The following DTNA variants were observed in gnomAD, a reference collection of about 807,000 sequenced individuals.
DTNA encodes the protein dystrophin-related protein 3.
In DTNA, 43 loss-of-function variants were observed where a neutral mutation model predicts 100.7. The observed-to-expected ratio is 0.43, with a 90% CI of 0.33 to 0.55. The LOEUF is 0.55. Ranked by LOEUF, DTNA falls within the 20% of genes least tolerant of loss-of-function variation. The probability of loss-of-function intolerance (pLI) is 0.04; values close to 1 mark genes in which losing one functional copy is unlikely to be tolerated. For synonymous variants in DTNA, 349 were observed against 347.9 expected (o/e 1.00, Z -0.04); for missense variants, 798 against 953.9 (o/e 0.84, Z 2.15).
intron 1 of DTNA, among the ~76,000 whole-genome samples, chr18:34,568,405 G>A (rs759174504): frequency 3.3e-5 from 5 of 152,062 alleles, no homozygotes; most frequent in East Asian, 1.9e-4. Context: ...CTTAGGTAAC[G>A]TGAGTTCCTG....
chr18:34,526,558 T>G (rs1432664936), intron 1 of DTNA, among the ~76,000 whole-genome samples: 2 of 152,118 alleles, frequency 1.3e-5, no homozygotes, highest in Non-Finnish European at 2.9e-5. Flanking sequence ...ATTACTGTTA[T>G]TAGAATTAAT....
At chr18:34,594,183 G>A (rs9966778) in intron 1 of DTNA, among the ~76,000 whole-genome samples, 6,738 of 151,914 alleles carry the variant, frequency 0.044, 479 homozygotes, top group African/African-American at 0.15. Flanking sequence ...GGATGGAGGC[G>A]TTCTGATTTT....
intron 1 of DTNA, among the ~76,000 whole-genome samples, chr18:34,602,870 G>T (rs2052214762): frequency 6.6e-6 from 1 of 151,794 alleles, no homozygotes; most frequent in African/African-American, 2.4e-5. Context: ...GGGCGTGGTG[G>T]CAGGCACCTG....
At chr18:34,822,170 C>G (rs1340617025) in intron 9 of DTNA, among the ~76,000 whole-genome samples, 1 of 152,154 alleles carries the variant, frequency 6.6e-6, no homozygotes, top group Non-Finnish European at 1.5e-5. Context: ...AATTATGTTT[C>G]TATAAATAAG....
intron 1 of DTNA, among the ~76,000 whole-genome samples, chr18:34,614,094 T>C (rs1423364720): frequency 6.6e-6 from 1 of 152,220 alleles, no homozygotes; most frequent in East Asian, 1.9e-4. Flanking sequence ...ATCAGAATAA[T>C]GCTAAATTTA....
intron 1 of DTNA, among the ~76,000 whole-genome samples, chr18:34,749,672 AT>A (rs2092111872): frequency 1.8e-3 from 8 of 4,570 alleles, no homozygotes; most frequent in South Asian, 0.12. Context: ...AATAATAATA[AT>A]AATAACAAAT....
Position 34,750,702 on chromosome 18 carries a change from A to G in DTNA, c.-1-5274A>G, listed in dbSNP as rs142951405. On this transcript the variant is annotated intron_variant, in intron 1 of 22. Coordinates refer to ENST00000444659, the MANE Select transcript of DTNA (RefSeq NM_001386795.1). ...GTAATATCTTTTTGACTTCCTAACA[A>G]AGTTACAGGGAAAAGCATTTTATAA... is the stretch of plus-strand genomic sequence containing the variant. Among the ~76,000 whole-genome samples the G allele has an allele frequency of 4.9e-3, 743 of 152,314 alleles. 7 individuals carry two copies. Among genetic ancestry groups the G allele is most frequent in the African/African-American group, 0.017 (702 of 41,580 alleles).
intron 16 of DTNA, among the ~76,000 whole-genome samples, chr18:34,860,213 ATTTTTTGTTTTTT>A (rs2096602697): frequency 1.3e-5 from 1 of 74,318 alleles, no homozygotes; most frequent in Non-Finnish European, 2.7e-5. Context: ...CGCCCGGCTA[ATTTTTTGTTTTTT>A]TTTTTTTTTT....
intron 4 of DTNA, among the ~76,000 whole-genome samples, chr18:34,802,479 G>A (rs562448518): frequency 2.0e-5 from 3 of 152,154 alleles, no homozygotes; most frequent in Non-Finnish European, 4.4e-5. Context: ...GACAATTCCT[G>A]ATGAGCATAG....
intron 1 of DTNA, among the ~76,000 whole-genome samples, chr18:34,743,289 G>T (rs983767522): frequency 6.6e-6 from 1 of 151,952 alleles, no homozygotes; most frequent in Non-Finnish European, 1.5e-5. Flanking sequence ...TCATACCCCC[G>T]CCTGTTTCTT....
intron 1 of DTNA, among the ~76,000 whole-genome samples, chr18:34,612,364 C>T (rs190257106): frequency 6.6e-6 from 1 of 152,170 alleles, no homozygotes; most frequent in Non-Finnish European, 1.5e-5. Context: ...GCACATAGGA[C>T]AGTGGGCGAT....
intron 9 of DTNA, among the ~76,000 whole-genome samples, chr18:34,824,199 G>C (rs1183768641): frequency 6.6e-6 from 1 of 152,226 alleles, no homozygotes; most frequent in Non-Finnish European, 1.5e-5. Flanking sequence ...TTGCTGGCCA[G>C]GCACAGTGGC....
At chr18:34,884,895 C>T (rs375471110) in intron 22 of DTNA, 119 bp downstream of exon 22, 28 of 1,201,090 alleles carry the variant, frequency 2.3e-5, no homozygotes, top group African/African-American at 1.8e-4. Flanking sequence ...AAAATACCCT[C>T]CTTAACTGCT....
chr18:34,533,952 T>C (rs2043418567), intron 1 of DTNA, among the ~76,000 whole-genome samples: 2 of 152,278 alleles, frequency 1.3e-5, no homozygotes, highest in African/African-American at 2.4e-5. Flanking sequence ...GAGAAATGAA[T>C]GAATTTTTAA....
At chr18:34,813,734 T>G (rs1377040012) in intron 6 of DTNA, among the ~76,000 whole-genome samples, 1 of 149,410 alleles carries the variant, frequency 6.7e-6, no homozygotes, top group African/African-American at 2.5e-5. Context: ...GCACCTGTAG[T>G]CCCAGCTAGA....
intron 1 of DTNA, among the ~76,000 whole-genome samples, chr18:34,632,860 A>G (rs2058237365): frequency 1.3e-5 from 2 of 152,180 alleles, no homozygotes; most frequent in Admixed American, 6.6e-5. Flanking sequence ...ATTAACAACA[A>G]TAATTTGCTA....
intron 1 of DTNA, among the ~76,000 whole-genome samples, chr18:34,506,349 A>AG (rs929592634): frequency 5.3e-5 from 8 of 151,696 alleles, no homozygotes; most frequent in South Asian, 2.1e-4. Flanking sequence ...GGTGAGGAAT[A>AG]GGGGGGGTCT....
intron 5 of DTNA, 141 bp from the exon 6 acceptor site, chr18:34,811,818 C>A: frequency 1.0e-6 from 1 of 958,838 alleles, no homozygotes; most frequent in Non-Finnish European, 1.6e-6. Flanking sequence ...AATATTTCAG[C>A]ATAAAAATTA....
chr18:34,754,400 T>A (rs989757177), intron 1 of DTNA, among the ~76,000 whole-genome samples: 2 of 152,234 alleles, frequency 1.3e-5, no homozygotes, highest in African/African-American at 4.8e-5. Context: ...GTGTCTTAAT[T>A]GCTTTTATGC....
Sources: allele counts gnomAD v4.1 joint callset (sites outside exome capture counted in the v4.1 genomes callset), GRCh38; gene constraint gnomAD v4.1.1; transcripts MANE v1.5; gene names NCBI Gene and HGNC (gene_info 2026-07-23, HGNC 2026-07-21).